The following TMBIM4 variants were observed in gnomAD, a reference collection of about 807,000 sequenced individuals.
TMBIM4 encodes transmembrane BAX inhibitor motif containing 4.
TMBIM4 carries 28 observed loss-of-function variants against 27.7 expected under a neutral mutation model. The observed-to-expected ratio is 1.01, with a 90% CI of 0.75 to 1.38. The LOEUF (loss-of-function observed/expected upper bound fraction) is 1.38, where lower values mean the gene tolerates loss of function less well. Among genes scored for constraint, TMBIM4 ranks in the 40% most tolerant of loss-of-function variants. The pLI, the probability that TMBIM4 is intolerant of heterozygous loss-of-function variation, is 0.00. For missense variants in TMBIM4, 265 were observed against 277.5 expected (o/e 0.95, Z 0.32); for synonymous variants, 115 against 113.1 (o/e 1.02, Z -0.11).
intron 1 of TMBIM4, chr12:66,169,419 G>T (rs1002500935): frequency 1.9e-6 from 1 of 530,252 alleles, no homozygotes; most frequent in African/African-American, 2.0e-5. Flanking sequence ...ATATAAGCCT[G>T]TAACGCGAAA....
intron 5 of TMBIM4, among the ~76,000 whole-genome samples, chr12:66,143,904 A>T (rs1470281794): frequency 6.6e-6 from 1 of 152,124 alleles, no homozygotes; most frequent in African/African-American, 2.4e-5. Context: ...TTAAAATGCA[A>T]TAAAGTGCTA....
At position 66,137,978 on chromosome 12, in the gene TMBIM4, T is replaced by G. The variant is rs147884415; in HGVS notation, c.699A>C (p.Glu233Asp). The G allele has an allele frequency of 1.7e-3, 2,684 of 1,613,606 alleles. 16 individuals carry two copies. The highest frequency in any genetic ancestry group is 7.1e-3 in the South Asian group (647 of 90,826). ...CTTTTAATTACTTTTTATTAACTGC[T>G]TCCAGAAACCGTAACAGGTGCAGGA... The part of the protein sequence containing the change: ...NLFLHLLRFL[E>D]AVNKK Residue 233 changes from glutamate to aspartate, a missense_variant, in exon 7 of 7, where the codon GAA (glutamate) becomes GAC (aspartate). Transcript: ENST00000358230.
In TMBIM4 at chr12:66,145,839, A is replaced by T. The variant is rs757147402; in HGVS notation, c.464+2T>A. On this transcript the variant is annotated splice_donor_variant, in intron 5 of 6. Transcript: ENST00000358230. LOFTEE classifies it high-confidence loss of function. Reference sequence around the variant, plus strand: ...TTATATCCAAGAATATATACAACTTACCCTGCTCCAAATTTGCTGAAATCC... The same window carrying T: ...TTATATCCAAGAATATATACAACTTTCCCTGCTCCAAATTTGCTGAAATCC... 1 of 1,529,442 alleles carries T rather than the reference A, an allele frequency of 6.5e-7. No homozygotes were observed. The highest frequency in any genetic ancestry group is 1.1e-5 in the South Asian group (1 of 88,628). The allele number at this position is 1,529,442 out of a possible 1,614,324, so 94.7% of individuals were successfully genotyped here.
Position 66,141,643 on chromosome 12 carries a change from G to A in TMBIM4, c.465-2874C>T, listed in dbSNP as rs569135509. Among the ~76,000 whole-genome samples the A allele has an allele frequency of 9.9e-5, 15 of 151,874 alleles. No individual in the cohort carries two copies. In the East Asian group the frequency reaches 1.2e-3, roughly 12 times the overall value. On this transcript the variant is annotated intron_variant, in intron 5 of 6. Coordinates refer to ENST00000358230, the MANE Select transcript of TMBIM4 (RefSeq NM_016056.4). ...AATAAAAGGATAGAAAAACATATACGATGCTAACATGCTAACACAAATTAA... is the reference window on the plus strand; with the variant it reads ...AATAAAAGGATAGAAAAACATATACAATGCTAACATGCTAACACAAATTAA...
chr12:66,142,624 A>G lies in TMBIM4; in HGVS notation c.464+3217T>C, dbSNP rs538171659. Among the ~76,000 whole-genome samples the G allele has an allele frequency of 1.7e-4, 26 of 152,076 alleles. No homozygotes were observed. In the South Asian group the frequency reaches 5.4e-3, roughly 32 times the overall value. On this transcript the variant is annotated intron_variant, in intron 5 of 6. Transcript: ENST00000358230. ...TTTAGGGAAGCAAGTCTTTTTTATA[A>G]TGGAAAGTAAACATGCTTGCCCTCT...
chr12:66,155,072 T>C (rs1261532462), intron 1 of TMBIM4, among the ~76,000 whole-genome samples: 2 of 152,176 alleles, frequency 1.3e-5, no homozygotes, highest in African/African-American at 2.4e-5. Context: ...TGGGAGGTCA[T>C]TTCTATCTTT....
intron 1 of TMBIM4, chr12:66,160,453 G>A: frequency 1.8e-6 from 1 of 552,010 alleles, no homozygotes; most frequent in Non-Finnish European, 3.2e-6. Context: ...ATAAAAAAAA[G>A]GTAACAATCA....
chr12:66,150,587 A>G (rs1388719893), intron 3 of TMBIM4, among the ~76,000 whole-genome samples: 1 of 151,620 alleles, frequency 6.6e-6, no homozygotes, highest in African/African-American at 2.4e-5. Context: ...TAATTTTTGT[A>G]TTTTTTGCAG....
chr12:66,161,357 C>T (rs770910379), intron 1 of TMBIM4, among the ~76,000 whole-genome samples: 2 of 152,180 alleles, frequency 1.3e-5, no homozygotes, highest in Non-Finnish European at 2.9e-5. Flanking sequence ...TCTCCTGTCT[C>T]AGCCTCCTGA....
At position 66,138,721 on chromosome 12, in the gene TMBIM4, T is replaced by C. The variant is rs200422986; in HGVS notation, c.510+3A>G. On this transcript the variant is annotated splice_donor_region_variant and intron_variant, in intron 6 of 6. Transcript: ENST00000358230. ...TCAAATTAACCATTATAACATAACT[T>C]ACCTTCAAGAATCCTGACAGGCACA... The C allele has an allele frequency of 1.2e-5, 19 of 1,549,500 alleles. No homozygotes were observed. Among genetic ancestry groups the C allele is most frequent in the Non-Finnish European group, 1.6e-5 (19 of 1,157,108 alleles).
intron 2 of TMBIM4, 132 bp from the exon 3 acceptor site, chr12:66,152,508 C>A: frequency 2.1e-6 from 1 of 481,928 alleles, no homozygotes; most frequent in Non-Finnish European, 3.5e-6. Flanking sequence ...TGATCCACAC[C>A]AAACTATCAA....
At chr12:66,158,205 G>A (rs904838905) in intron 1 of TMBIM4, among the ~76,000 whole-genome samples, 20 of 126,090 alleles carry the variant, frequency 1.6e-4, no homozygotes, top group African/African-American at 1.9e-4. Context: ...CAGCCTGGGC[G>A]ACAGAGTGAG....
intron 4 of TMBIM4, among the ~76,000 whole-genome samples, chr12:66,147,562 A>G (rs1308072438): frequency 6.6e-6 from 1 of 152,226 alleles, no homozygotes; most frequent in Non-Finnish European, 1.5e-5. Context: ...GCTCATACAT[A>G]TGATCAAAGT....
chr12:66,141,985 A>G (rs796866914), intron 5 of TMBIM4, among the ~76,000 whole-genome samples: 2 of 152,312 alleles, frequency 1.3e-5, no homozygotes, highest in African/African-American at 4.8e-5. Flanking sequence ...CCTAATTGAC[A>G]TTTATCAAAT....
chr12:66,152,810 G>A (rs1275944469), intron 2 of TMBIM4, among the ~76,000 whole-genome samples: 4 of 151,964 alleles, frequency 2.6e-5, no homozygotes, highest in African/African-American at 9.7e-5. Flanking sequence ...AGGGAAGGGA[G>A]GACAGAAATT....
intron 3 of TMBIM4, among the ~76,000 whole-genome samples, chr12:66,148,889 T>A (rs570866485): frequency 6.6e-6 from 1 of 152,296 alleles, no homozygotes; most frequent in South Asian, 2.1e-4. Context: ...TTGTCTTATA[T>A]CCTTACTCTA....
rs917671969 is a variant in TMBIM4, at chr12:66,136,759, T to G, written c.*1201A>C. 1 of 152,190 alleles carries G rather than the reference T, an allele frequency of 6.6e-6. No homozygotes were observed. The highest frequency in any genetic ancestry group is 6.5e-5 in the Admixed American group (1 of 15,284). 9.4% of individuals were successfully genotyped at this position (152,190 alleles called of 1,614,324 possible). On this transcript the variant is annotated 3_prime_UTR_variant, in exon 7 of 7. Transcript: ENST00000358230. ...CCCTGCTAACACCTTGATCTTGGAC[T>G]TTTAGCCTCCAGAACTGTGGGAAAA...
Position 66,152,322 on chromosome 12 carries a change from C to A in TMBIM4, c.261G>T (p.Leu87Phe). 1 of 1,609,494 alleles carries A rather than the reference C, an allele frequency of 6.2e-7. No homozygotes were observed. The highest frequency in any genetic ancestry group is 1.1e-5 in the South Asian group (1 of 90,534). The change falls in exon 3 of 7, where the codon TTG (leucine) becomes TTT (phenylalanine). Residue 87 changes from leucine (L) to phenylalanine (F), a missense_variant. Coordinates refer to ENST00000358230, the MANE Select transcript of TMBIM4 (RefSeq NM_016056.4). The stretch of plus-strand genomic sequence containing the variant: ...GGGGATACTTATGTCTGTTTAAAAT[C>A]AACGCAAAAATCAAACCCAGAGATC... ...ALGSLGLIFA[L>F]ILNRHKYPLN...
Position 66,136,071 on chromosome 12 carries a change from T to C in TMBIM4, c.*1889A>G, listed in dbSNP as rs370296260. The C allele has an allele frequency of 6.6e-5, 1 of 15,216 alleles. No individual in the cohort carries two copies. The highest frequency in any genetic ancestry group is 9.2e-5 in the Non-Finnish European group (1 of 10,910). The allele number at this position is 15,216 out of a possible 1,614,324, so 0.9% of individuals were successfully genotyped here. Reference sequence around the variant, plus strand: ...AAGAATTATCAATAAAAAAATAAATTAAAAAAAAAAAAAAAAAAAAAAAAA... The same window carrying C: ...AAGAATTATCAATAAAAAAATAAATCAAAAAAAAAAAAAAAAAAAAAAAAA... On this transcript the variant is annotated 3_prime_UTR_variant, in exon 7 of 7. Coordinates refer to ENST00000358230, the MANE Select transcript of TMBIM4 (RefSeq NM_016056.4).
Sources: allele counts gnomAD v4.1 joint callset (sites outside exome capture counted in the v4.1 genomes callset), GRCh38; gene constraint gnomAD v4.1.1; transcripts MANE v1.5; gene names NCBI Gene and HGNC (gene_info 2026-07-23, HGNC 2026-07-21).